LYPLA1: variants seen among roughly 807,000 people sequenced by gnomAD.
LYPLA1 encodes the protein lysophospholipase 1, also known as acyl-protein thioesterase 1.
A neutral mutation model predicts 34.0 loss-of-function variants in LYPLA1; 17 were observed. The ratio of observed to expected loss-of-function variants is 0.50; its 90% confidence interval spans 0.34 to 0.75. The LOEUF (loss-of-function observed/expected upper bound fraction) is 0.75. LYPLA1 is among the 30% of genes least tolerant of loss of function. LYPLA1 has a pLI of 0.01. For missense variants in LYPLA1, 203 were observed against 288.8 expected (o/e 0.70, Z 2.15); for synonymous variants, 98 against 100.8 (o/e 0.97, Z 0.17).
intron 2 of LYPLA1, among the ~76,000 whole-genome samples, chr8:54,069,396 T>G (rs555161362): frequency 4.6e-5 from 7 of 152,002 alleles, no homozygotes; most frequent in Non-Finnish European, 7.4e-5. Context: ...CAACTAAAAG[T>G]AAAAGGAAAA....
intron 5 of LYPLA1, among the ~76,000 whole-genome samples, chr8:54,060,662 G>A (rs1350378040): frequency 1.3e-5 from 2 of 149,932 alleles, no homozygotes; most frequent in African/African-American, 2.5e-5. Flanking sequence ...TATTATTACC[G>A]CACTAACATT....
Position 54,047,752 on chromosome 8 carries a change from A to G in LYPLA1, c.*313T>C, listed in dbSNP as rs1805565308. 2 of 243,450 alleles carry G rather than the reference A, an allele frequency of 8.2e-6. No individual in the cohort carries two copies. The highest frequency in any genetic ancestry group is 1.1e-4 in the Admixed American group (2 of 18,162). The allele number at this position is 243,450 out of a possible 1,614,324, so 15.1% of individuals were successfully genotyped here. ...TTCATTAAGCATACTGCTAATTTTC[A>G]AATGATGTAATAAAAAATCTGGTGG... On this transcript the variant is annotated 3_prime_UTR_variant, in exon 9 of 9. Transcript: ENST00000316963.
At chr8:54,079,706 G>A (rs1225363945) in intron 2 of LYPLA1, among the ~76,000 whole-genome samples, 1 of 151,938 alleles carries the variant, frequency 6.6e-6, no homozygotes, top group Non-Finnish European at 1.5e-5. Flanking sequence ...GAGGTGGGAG[G>A]ATCAATTGAG....
chr8:54,101,303 A>T lies in LYPLA1; in HGVS notation c.70-364T>A, dbSNP rs965132652. The T allele has an allele frequency of 6.5e-6, 7 of 1,071,072 alleles. No homozygotes were observed. In the African/African-American group the frequency reaches 1.0e-4, roughly 15 times the overall value. The allele number at this position is 1,071,072 out of a possible 1,614,324, so 66.3% of individuals were successfully genotyped here. A position where few individuals can be genotyped will look rare whatever the true frequency, so the allele number is the denominator to read the frequency against. On this transcript the variant is annotated intron_variant, in intron 1 of 8. Coordinates refer to ENST00000316963, the MANE Select transcript of LYPLA1 (RefSeq NM_006330.4). ...AAGCAAGCTTCCGGAGGCAAAAATA[A>T]GTTTGACTTTTCATACACGAGTTTT...
At chr8:54,052,814 G>T in intron 6 of LYPLA1, 58 bp from the exon 7 acceptor site, 1 of 1,055,050 alleles carries the variant, frequency 9.5e-7, no homozygotes, top group Non-Finnish European at 1.5e-6. Context: ...CAGCAATTTA[G>T]GGAATATCTT....
chr8:54,083,743 C>A (rs1808480074), intron 2 of LYPLA1, among the ~76,000 whole-genome samples: 2 of 152,138 alleles, frequency 1.3e-5, no homozygotes, highest in Non-Finnish European at 2.9e-5. Flanking sequence ...TTTTCCTAAC[C>A]ATTTAGAAAA....
intron 2 of LYPLA1, among the ~76,000 whole-genome samples, chr8:54,081,505 C>T (rs1417226380): frequency 6.6e-6 from 1 of 152,010 alleles, no homozygotes; most frequent in Non-Finnish European, 1.5e-5. Context: ...GGATGGAGTG[C>T]AGCCTGTAAT....
intron 7 of LYPLA1, 72 bp downstream of exon 7, chr8:54,052,583 C>CT (rs1326618736): frequency 7.4e-6 from 7 of 948,742 alleles, no homozygotes; most frequent in Non-Finnish European, 1.1e-5. Context: ...AATAAGATGA[C>CT]TTTATCTCCA....
intron 2 of LYPLA1, among the ~76,000 whole-genome samples, chr8:54,097,875 T>A (rs1272703558): frequency 6.6e-6 from 1 of 152,182 alleles, no homozygotes; most frequent in African/African-American, 2.4e-5. Flanking sequence ...TATGACAACA[T>A]CACTTCTCTT....
intron 5 of LYPLA1, among the ~76,000 whole-genome samples, chr8:54,056,479 A>G (rs990131360): frequency 1.3e-5 from 2 of 152,230 alleles, no homozygotes; most frequent in Non-Finnish European, 2.9e-5. Context: ...TGCACAGCAA[A>G]GGATACAATC....
intron 2 of LYPLA1, among the ~76,000 whole-genome samples, chr8:54,093,660 C>G (rs1195544094): frequency 1.3e-5 from 2 of 152,182 alleles, no homozygotes; most frequent in Non-Finnish European, 2.9e-5. Flanking sequence ...GTGATTGATG[C>G]TCCTCGTATG....
At position 54,088,412 on chromosome 8, in the gene LYPLA1, T is replaced by C. The variant is rs183207121; in HGVS notation, c.101+12496A>G. Among the ~76,000 whole-genome samples, 586 of 152,344 alleles carry C rather than the reference T, an allele frequency of 3.8e-3. 1 individual carries two copies. The highest frequency in any genetic ancestry group is 6.6e-3 in the Non-Finnish European group (447 of 68,042). On this transcript the variant is annotated intron_variant, in intron 2 of 8. Transcript: ENST00000316963. ...AATCAAAATCACAATGCGACACCACTTCACATAGAAATGGATGGCTATAAT... is the reference window on the plus strand; with the variant it reads ...AATCAAAATCACAATGCGACACCACCTCACATAGAAATGGATGGCTATAAT...
At chr8:54,068,627 A>C (rs1158228613) in intron 2 of LYPLA1, among the ~76,000 whole-genome samples, 1 of 152,216 alleles carries the variant, frequency 6.6e-6, no homozygotes, top group Non-Finnish European at 1.5e-5. Context: ...AGCTGGGACA[A>C]GTGGATATCC....
chr8:54,070,315 C>CAAAACA (rs1364820334), intron 2 of LYPLA1, among the ~76,000 whole-genome samples: 1 of 151,976 alleles, frequency 6.6e-6, no homozygotes, highest in Non-Finnish European at 1.5e-5. Flanking sequence ...AACTCCATCT[C>CAAAACA]AAAACAAAAA....
chr8:54,089,960 A>G (rs1372236985), intron 2 of LYPLA1, among the ~76,000 whole-genome samples: 1 of 152,242 alleles, frequency 6.6e-6, no homozygotes, highest in Non-Finnish European at 1.5e-5. Flanking sequence ...TGCATGCAGG[A>G]TTGTGTAAAG....
chr8:54,063,452 ATAATT>A, intron 3 of LYPLA1, 77 bp from the exon 4 acceptor site: 1 of 901,164 alleles, frequency 1.1e-6, no homozygotes, highest in South Asian at 1.6e-5. Context: ...TCAAAAACAG[ATAATT>A]GCTTGAGACC....
chr8:54,073,209 G>A (rs1344424346), intron 2 of LYPLA1: 34 of 792,058 alleles, frequency 4.3e-5, no homozygotes, highest in Non-Finnish European at 6.9e-5. Context: ...AACTTGTGCC[G>A]CCCAGGGAGA....
downstream of LYPLA1, chr8:54,046,219 A>G: frequency 6.6e-6 from 1 of 152,200 alleles, no homozygotes. Flanking sequence ...ATTATTTCTT[A>G]TGCCTGGTTC....
At chr8:54,052,929 CG>C in intron 6 of LYPLA1, 173 bp from the exon 7 acceptor site, 1 of 553,238 alleles carries the variant, frequency 1.8e-6, no homozygotes, top group South Asian at 2.5e-5. Flanking sequence ...CTAAAGGATG[CG>C]GTTCTCTACA....
Sources: allele counts gnomAD v4.1 joint callset (sites outside exome capture counted in the v4.1 genomes callset), GRCh38; gene constraint gnomAD v4.1.1; transcripts MANE v1.5; gene names NCBI Gene and HGNC (gene_info 2026-07-23, HGNC 2026-07-21).